DDX24: variants seen among roughly 807,000 people sequenced by gnomAD.
The protein encoded by DDX24 is DEAD-box helicase 24.
DDX24 carries 24 observed loss-of-function variants against 68.9 expected under a neutral mutation model. The ratio of observed to expected loss-of-function variants is 0.35; its 90% CI spans 0.25 to 0.49. DDX24 has a LOEUF of 0.49. Among genes scored for constraint, DDX24 ranks in the 20% least tolerant of loss-of-function variants. The pLI is 0.99. For missense variants in DDX24, 989 were observed against 1,039.0 expected (o/e 0.95, Z 0.66); for synonymous variants, 395 against 385.2 (o/e 1.03, Z -0.30).
At chr14:94,061,651 T>G (rs1055741477) in intron 3 of DDX24, among the ~76,000 whole-genome samples, 3 of 152,166 alleles carry the variant, frequency 2.0e-5, no homozygotes, top group Non-Finnish European at 1.5e-5. Flanking sequence ...CCTAATAGCT[T>G]AGAGCAGGGA....
chr14:94,078,330 A>G (rs1429787139), intron 2 of DDX24, among the ~76,000 whole-genome samples: 1 of 152,216 alleles, frequency 6.6e-6, no homozygotes, highest in East Asian at 1.9e-4. Context: ...CTGCTGGTCT[A>G]AACAGACCAA....
rs186417863 is a variant in DDX24 at position 94,052,060 on chromosome 14, A to G, written c.2309-598T>C. ...ATCTTCGGCCCAAGCCCCAACCCTG[A>G]GCCACCAGAAATAGCTCACTGTCAT... On this transcript the variant is annotated intron_variant, in intron 8 of 8. Coordinates refer to ENST00000621632, the MANE Select transcript of DDX24 (RefSeq NM_020414.4). Among the ~76,000 whole-genome samples the G allele has an allele frequency of 5.9e-3, 903 of 152,358 alleles. 16 individuals are homozygous for G. Among genetic ancestry groups the G allele is most frequent in the South Asian group, 0.036 (174 of 4,830 alleles).
intron 2 of DDX24, among the ~76,000 whole-genome samples, chr14:94,072,804 G>C (rs919552097): frequency 8.5e-5 from 13 of 152,222 alleles, no homozygotes; most frequent in African/African-American, 3.1e-4. Context: ...ACTCCAGCCA[G>C]GGTGACAAAG....
chr14:94,061,877 T>C (rs927332641), intron 3 of DDX24, among the ~76,000 whole-genome samples: 3 of 152,140 alleles, frequency 2.0e-5, no homozygotes, highest in African/African-American at 7.2e-5. Flanking sequence ...ATCTACTGTA[T>C]CCAATAAATT....
rs1042653407 is a variant in DDX24, at chr14:94,050,029, T to C, written c.*1162A>G. The C allele has an allele frequency of 1.3e-5, 2 of 152,214 alleles. No individual in the cohort carries two copies. Among genetic ancestry groups the C allele is most frequent in the African/African-American group, 4.8e-5 (2 of 41,462 alleles). 9.4% of individuals were successfully genotyped at this position (152,214 alleles called of 1,614,324 possible). A position where few individuals can be genotyped will look rare whatever the true frequency, so the allele number is the denominator to read the frequency against. ...TGGTCCCTTTGTGTATCCTCTTCAATTCCCTAGCACCCCTTGAACTAAACA... is the reference window on the plus strand; with the variant it reads ...TGGTCCCTTTGTGTATCCTCTTCAACTCCCTAGCACCCCTTGAACTAAACA... On this transcript the variant is annotated 3_prime_UTR_variant, in exon 9 of 9. Transcript: ENST00000621632.
intron 6 of DDX24, 126 bp from the exon 7 acceptor site, chr14:94,055,310 T>C (rs530595222): frequency 2.4e-5 from 22 of 921,358 alleles, no homozygotes; most frequent in African/African-American, 6.7e-5. Context: ...TTCTGCAGCA[T>C]TGTAGAGCAA....
At chr14:94,057,677 T>G in intron 6 of DDX24, 145 bp downstream of exon 6, 1 of 662,412 alleles carries the variant, frequency 1.5e-6, no homozygotes, top group South Asian at 2.1e-5. Flanking sequence ...GTTGCAAAAG[T>G]GGGAGTAGTG....
At chr14:94,055,268 CCCT>C in intron 6 of DDX24, 84 bp from the exon 7 acceptor site, 1 of 1,414,936 alleles carries the variant, frequency 7.1e-7, no homozygotes, top group Non-Finnish European at 9.6e-7. Flanking sequence ...CCAAACCAGA[CCCT>C]CCTACCTCCC....
intron 5 of DDX24, 94 bp downstream of exon 5, chr14:94,060,004 G>C (rs1885561589): frequency 7.0e-7 from 1 of 1,434,984 alleles, no homozygotes; most frequent in Non-Finnish European, 9.3e-7. Context: ...CCCTATGACA[G>C]AAGGTGGCTT....
chr14:94,052,966 T>G, intron 8 of DDX24, 32 bp downstream of exon 8: 2 of 1,582,046 alleles, frequency 1.3e-6, no homozygotes, highest in Non-Finnish European at 1.7e-6. Context: ...AGATTTCAAC[T>G]TCCTCAATTC....
chr14:94,052,879 A>AG (rs1885414355), intron 8 of DDX24, 119 bp downstream of exon 8: 2 of 1,382,808 alleles, frequency 1.4e-6, no homozygotes, highest in East Asian at 2.4e-5. Flanking sequence ...GTTAGCAAAG[A>AG]GGGGGAAGGA....
intron 2 of DDX24, among the ~76,000 whole-genome samples, chr14:94,064,594 G>C (rs1410500760): frequency 6.6e-6 from 1 of 152,160 alleles, no homozygotes; most frequent in East Asian, 1.9e-4. Context: ...GATGGAGTTC[G>C]GATAGATTCC....
intron 2 of DDX24, among the ~76,000 whole-genome samples, chr14:94,065,384 G>GACACAC (rs58390384): frequency 4.8e-4 from 70 of 147,272 alleles, no homozygotes; most frequent in African/African-American, 1.5e-3. Flanking sequence ...CTCTCTCTCT[G>GACACAC]ACACACACAC....
At chr14:94,057,676 G>T in intron 6 of DDX24, 146 bp downstream of exon 6, 1 of 659,614 alleles carries the variant, frequency 1.5e-6, no homozygotes, top group Non-Finnish European at 2.5e-6. Flanking sequence ...TGTTGCAAAA[G>T]TGGGAGTAGT....
chr14:94,054,882 G>T, intron 7 of DDX24, 114 bp downstream of exon 7: 3 of 1,204,790 alleles, frequency 2.5e-6, no homozygotes, highest in Non-Finnish European at 3.6e-6. Flanking sequence ...TCAGCTGTTG[G>T]CAGAACCATT....
At chr14:94,061,571 GCTTT>G (rs1348242104) in intron 3 of DDX24, among the ~76,000 whole-genome samples, 1 of 152,180 alleles carries the variant, frequency 6.6e-6, no homozygotes, top group Non-Finnish European at 1.5e-5. Flanking sequence ...ATTAATTGCT[GCTTT>G]CATTATAAAA....
At chr14:94,067,348 A>G (rs1885726187) in intron 2 of DDX24, among the ~76,000 whole-genome samples, 1 of 152,146 alleles carries the variant, frequency 6.6e-6, no homozygotes, top group Non-Finnish European at 1.5e-5. Flanking sequence ...ATGTTAAATG[A>G]CCAAACCTAA....
chr14:94,074,745 T>G (rs1474416957), intron 2 of DDX24, among the ~76,000 whole-genome samples: 1 of 152,110 alleles, frequency 6.6e-6, no homozygotes, highest in Non-Finnish European at 1.5e-5. Flanking sequence ...ACAAAAGGCA[T>G]CCAAGACTGG....
chr14:94,076,668 G>A (rs1480138368), intron 2 of DDX24, among the ~76,000 whole-genome samples: 27 of 132,020 alleles, frequency 2.0e-4, no homozygotes, highest in African/African-American at 5.9e-4. Flanking sequence ...GTGACAGAGC[G>A]AGACTCCGTC....
Sources: allele counts gnomAD v4.1 joint callset (sites outside exome capture counted in the v4.1 genomes callset), GRCh38; gene constraint gnomAD v4.1.1; transcripts MANE v1.5; gene names NCBI Gene and HGNC (gene_info 2026-07-23, HGNC 2026-07-21).